Variants in SSU72 observed in about 807,000 individuals in gnomAD.
The protein encoded by SSU72 is SSU72 homolog, RNA polymerase II CTD phosphatase.
In SSU72, 12 loss-of-function variants were observed where a neutral mutation model predicts 22.7. That is an observed-to-expected ratio of 0.53 (90% CI 0.34 to 0.86). The LOEUF (loss-of-function observed/expected upper bound fraction) is 0.86, where lower values mean the gene tolerates loss of function less well. Among genes scored for constraint, SSU72 ranks in the 40% least tolerant of loss-of-function variants. The probability of loss-of-function intolerance (pLI) is 0.02; values close to 1 mark genes in which losing one functional copy is unlikely to be tolerated. For missense variants in SSU72, 151 were observed against 249.8 expected (o/e 0.60, Z 2.67); for synonymous variants, 116 against 98.3 (o/e 1.18, Z -1.06).
At chr1:1,572,881 G>GC (rs946005720) in intron 1 of SSU72, among the ~76,000 whole-genome samples, 3 of 144,254 alleles carry the variant, frequency 2.1e-5, no homozygotes, top group Non-Finnish European at 3.0e-5. Context: ...TTGTCTTGGG[G>GC]GGGGGGGGGT....
chr1:1,574,608 G>C lies in SSU72; in HGVS notation c.-51C>G. 2 of 1,521,530 alleles carry C rather than the reference G, an allele frequency of 1.3e-6. No individual in the cohort carries two copies. The highest frequency in any genetic ancestry group is 2.7e-5 in the East Asian group (1 of 36,696). The allele number at this position is 1,521,530 out of a possible 1,614,324, so 94.3% of individuals were successfully genotyped here. ...CTCCCGCTTGGGTTCCCACCCTACCGCGGCGCTTCCGCGCGAACAAAATGG... is the reference window on the plus strand; with the variant it reads ...CTCCCGCTTGGGTTCCCACCCTACCCCGGCGCTTCCGCGCGAACAAAATGG... On this transcript the variant is annotated 5_prime_UTR_variant, in exon 1 of 5. Transcript: ENST00000291386.
rs1183354223 is a variant in SSU72, at chr1:1,542,748, G to A, written c.484-581C>T. ...GCGGCCTGTCTGTGACTCAGCTCTGGCCAACGTGACCCAAGCAGAAATCGT... is the reference window on the plus strand; with the variant it reads ...GCGGCCTGTCTGTGACTCAGCTCTGACCAACGTGACCCAAGCAGAAATCGT... On this transcript the variant is annotated intron_variant, in intron 4 of 4. Transcript: ENST00000291386. This position sits in a 1 kb window ranked among gnomAD's most constrained non-coding sequence, Gnocchi z 4.4. 6.6e-6 allele frequency among the ~76,000 whole-genome samples: 1 copy of A among 152,030 alleles called. No individual in the cohort carries two copies. Among genetic ancestry groups the A allele is most frequent in the Non-Finnish European group, 1.5e-5 (1 of 68,016 alleles).
intron 2 of SSU72, among the ~76,000 whole-genome samples, chr1:1,555,179 A>G (rs3820075): frequency 0.42 from 63,952 of 151,972 alleles, 16,485 homozygotes; most frequent in East Asian, 0.78. Context: ...GACTCCCCAC[A>G]TCAGAGGGGA....
intron 1 of SSU72, among the ~76,000 whole-genome samples, chr1:1,565,264 T>A (rs1270441450): frequency 6.6e-6 from 1 of 152,090 alleles, no homozygotes; most frequent in Non-Finnish European, 1.5e-5. Flanking sequence ...TCCCAGCTAC[T>A]CGGGAGGCTG....
chr1:1,568,474 C>T (rs776847872), intron 1 of SSU72, among the ~76,000 whole-genome samples: 2 of 151,790 alleles, frequency 1.3e-5, no homozygotes, highest in South Asian at 2.1e-4. Context: ...CGTGGTGGTG[C>T]GCGCCTGTAA....
At chr1:1,556,497 C>T (rs539643766) in intron 2 of SSU72, among the ~76,000 whole-genome samples, 68 of 152,068 alleles carry the variant, frequency 4.5e-4, no homozygotes, top group Admixed American at 1.4e-3. Flanking sequence ...GCCAAGACCA[C>T]GCCATTGCAC....
At chr1:1,574,156 C>G (rs1468352328) in intron 1 of SSU72, among the ~76,000 whole-genome samples, 1 of 152,180 alleles carries the variant, frequency 6.6e-6, no homozygotes, top group Non-Finnish European at 1.5e-5. Flanking sequence ...TGGCCAACGA[C>G]GCACACGAAA....
chr1:1,567,528 G>T (rs1458552063), intron 1 of SSU72, among the ~76,000 whole-genome samples: 1 of 152,194 alleles, frequency 6.6e-6, no homozygotes, highest in Non-Finnish European at 1.5e-5. Flanking sequence ...AAGCAATAAA[G>T]TCAACTGTTG....
chr1:1,545,065 T>C (rs1232827108), intron 2 of SSU72, 63 bp from the exon 3 acceptor site: 5 of 1,569,408 alleles, frequency 3.2e-6, no homozygotes, highest in Non-Finnish European at 3.5e-6. Context: ...TGGAAGCGCC[T>C]GTGTCCTGGA....
At chr1:1,571,268 A>G (rs1642727881) in intron 1 of SSU72, among the ~76,000 whole-genome samples, 1 of 138,246 alleles carries the variant, frequency 7.2e-6, no homozygotes, top group Non-Finnish European at 1.5e-5. Context: ...AAAAAAAAAA[A>G]AAAAAAAAAA....
rs939762150 is a variant in SSU72, at chr1:1,542,674, G to A, written c.484-507C>T. ...CAGCTCGTTACTCGCCATCTCCACT[G>A]TCCCCTGGTCCCCAGCCTTGGCCAG... On this transcript the variant is annotated intron_variant, in intron 4 of 4. Coordinates refer to ENST00000291386, the MANE Select transcript of SSU72 (RefSeq NM_014188.3). The surrounding 1 kb of genome is among the most constrained non-coding windows in gnomAD (Gnocchi z 4.4). Among the ~76,000 whole-genome samples, 4 of 152,054 alleles carry A rather than the reference G, an allele frequency of 2.6e-5. No individual in the cohort carries two copies. In the East Asian group the frequency reaches 7.7e-4, roughly 29 times the overall value.
intron 1 of SSU72, 78 bp from the exon 2 acceptor site, chr1:1,564,994 T>C (rs2100719331): frequency 2.0e-6 from 3 of 1,504,504 alleles, no homozygotes; most frequent in Non-Finnish European, 2.7e-6. Flanking sequence ...GCAAATGGGA[T>C]AGAAACAAAA....
chr1:1,545,983 C>G (rs1411306981), intron 2 of SSU72: 1 of 152,282 alleles, frequency 6.6e-6, no homozygotes, highest in Non-Finnish European at 1.5e-5. Flanking sequence ...CACACCGGCC[C>G]CAGCAGTCCC....
In SSU72 at chr1:1,542,968, C is replaced by T. The variant is rs557813736; in HGVS notation, c.484-801G>A. On this transcript the variant is annotated intron_variant, in intron 4 of 4. Coordinates refer to ENST00000291386, the MANE Select transcript of SSU72 (RefSeq NM_014188.3). This position sits in a 1 kb window ranked among gnomAD's most constrained non-coding sequence, Gnocchi z 4.4. Reference sequence around the variant, plus strand: ...CTTCTCCCAGCGCCCGCCCGCCTGGCTCCCGGGCTTTCCAAACACACCATC... The same window carrying T: ...CTTCTCCCAGCGCCCGCCCGCCTGGTTCCCGGGCTTTCCAAACACACCATC... 6.6e-6 allele frequency among the ~76,000 whole-genome samples: 1 copy of T among 152,358 alleles called. No individual in the cohort carries two copies. Among genetic ancestry groups the T allele is most frequent in the South Asian group, 2.1e-4 (1 of 4,832 alleles).
At chr1:1,558,775 A>T (rs1307143227) in intron 2 of SSU72, among the ~76,000 whole-genome samples, 1 of 151,978 alleles carries the variant, frequency 6.6e-6, no homozygotes, top group Admixed American at 6.6e-5. Flanking sequence ...TCCTTTCACA[A>T]CGGCCTCTCC....
Position 1,574,758 on chromosome 1 carries a change from C to T in SSU72, c.-201G>A. ...GCCGCGGACGGAGCGCAGGCACTGG[C>T]CTTCGGGCGCGCTGCACTCGGCGAG... On this transcript the variant is annotated 5_prime_UTR_variant, in exon 1 of 5. Coordinates refer to ENST00000291386, the MANE Select transcript of SSU72 (RefSeq NM_014188.3). The T allele has an allele frequency of 3.3e-6, 1 of 307,342 alleles. No individual in the cohort carries two copies. Among genetic ancestry groups the T allele is most frequent in the Non-Finnish European group, 5.7e-6 (1 of 174,236 alleles). 19.0% of individuals were successfully genotyped at this position (307,342 alleles called of 1,614,324 possible).
intron 1 of SSU72, among the ~76,000 whole-genome samples, chr1:1,573,010 C>T (rs978723610): frequency 1.3e-5 from 2 of 151,682 alleles, no homozygotes; most frequent in African/African-American, 2.4e-5. Flanking sequence ...AACCTTTGGC[C>T]GGATGCGGTG....
intron 1 of SSU72, 76 bp from the exon 2 acceptor site, chr1:1,564,992 G>A: frequency 6.6e-7 from 1 of 1,504,900 alleles, no homozygotes; most frequent in South Asian, 1.3e-5. Context: ...CAGCAAATGG[G>A]ATAGAAACAA....
chr1:1,572,896 C>T (rs1227969313), intron 1 of SSU72, among the ~76,000 whole-genome samples: 1 of 147,188 alleles, frequency 6.8e-6, no homozygotes, highest in Admixed American at 6.8e-5. Flanking sequence ...GGGGGTGAGC[C>T]TTGCATTGTT....
Sources: gnomAD v4.1 joint callset for allele counts (sites outside exome capture counted in the v4.1 genomes callset) on GRCh38, gnomAD v4.1.1 for gene constraint, Gnocchi (gnomAD v3.1) non-coding constraint, MANE v1.5 for transcripts, NCBI Gene and HGNC (gene_info 2026-07-23, HGNC 2026-07-21) for gene names.